Variants in SLC25A21 observed in about 807,000 individuals in gnomAD.
SLC25A21 encodes mitochondrial 2-oxodicarboxylate carrier.
SLC25A21 carries 47 observed loss-of-function variants against 43.8 expected under a neutral mutation model. The observed-to-expected ratio is 1.07, with a 90% CI of 0.85 to 1.37. The LOEUF (loss-of-function observed/expected upper bound fraction) is 1.37, where lower values mean the gene tolerates loss of function less well. SLC25A21 is among the 40% of genes most tolerant of loss of function. SLC25A21 has a pLI of 0.00. For missense variants in SLC25A21, 352 were observed against 350.2 expected (o/e 1.00, Z -0.04); for synonymous variants, 131 against 121.3 (o/e 1.08, Z -0.52).
At chr14:37,107,442 C>T (rs1192736032) in intron 1 of SLC25A21, among the ~76,000 whole-genome samples, 1 of 152,056 alleles carries the variant, frequency 6.6e-6, no homozygotes, top group Non-Finnish European at 1.5e-5. Context: ...CTCTCCCTCC[C>T]AAAGTGCTGG....
intron 1 of SLC25A21, among the ~76,000 whole-genome samples, chr14:36,923,122 A>C (rs772123042): frequency 2.0e-5 from 3 of 152,170 alleles, no homozygotes; most frequent in Non-Finnish European, 4.4e-5. Flanking sequence ...AAAGCTGAAA[A>C]AAAATTCCAA....
At chr14:36,944,494 T>C (rs77892704) in intron 1 of SLC25A21, among the ~76,000 whole-genome samples, 3,813 of 152,132 alleles carry the variant, frequency 0.025, 73 homozygotes, top group Middle Eastern at 0.054. Flanking sequence ...ACATCACAGA[T>C]AGTGAGAGGA....
At position 37,147,281 on chromosome 14, in the gene SLC25A21, T is replaced by C. The variant is rs147980105; in HGVS notation, c.70+25000A>G. 1.8e-3 allele frequency among the ~76,000 whole-genome samples: 276 copies of C among 152,348 alleles called. 1 individual carries two copies. Among genetic ancestry groups the C allele is most frequent in the African/African-American group, 6.3e-3 (263 of 41,566 alleles). ...ATAGTAATTCTTTTAACAGACACAA[T>C]TGCAATGACAAAGGCAATGACTTTA... On this transcript the variant is annotated intron_variant, in intron 1 of 9. Coordinates refer to ENST00000331299, the MANE Select transcript of SLC25A21 (RefSeq NM_030631.4).
chr14:36,902,422 C>G (rs848693), intron 1 of SLC25A21, among the ~76,000 whole-genome samples: 75,127 of 151,698 alleles, frequency 0.5, 20,764 homozygotes, highest in East Asian at 0.99. Context: ...CTCTAAGGAG[C>G]GAAGTATCGT....
intron 3 of SLC25A21, among the ~76,000 whole-genome samples, chr14:36,742,851 T>A (rs1429371849): frequency 6.6e-6 from 1 of 152,194 alleles, no homozygotes; most frequent in Non-Finnish European, 1.5e-5. Flanking sequence ...TTTGGATTGA[T>A]TTGTTACCCC....
chr14:36,829,852 C>A (rs572953725), intron 2 of SLC25A21, among the ~76,000 whole-genome samples: 2 of 152,158 alleles, frequency 1.3e-5, no homozygotes, highest in Non-Finnish European at 2.9e-5. Flanking sequence ...GCAAATAGTA[C>A]ACCTTCATAT....
At chr14:37,079,290 A>G (rs1962341253) in intron 1 of SLC25A21, among the ~76,000 whole-genome samples, 1 of 151,974 alleles carries the variant, frequency 6.6e-6, no homozygotes, top group African/African-American at 2.4e-5. Flanking sequence ...ACACCCTCCA[A>G]TGCATCATGT....
At chr14:36,877,415 C>T (rs1890569336) in intron 1 of SLC25A21, among the ~76,000 whole-genome samples, 1 of 152,194 alleles carries the variant, frequency 6.6e-6, no homozygotes, top group South Asian at 2.1e-4. Flanking sequence ...GATGATTATA[C>T]TTCAGTGATT....
intron 1 of SLC25A21, among the ~76,000 whole-genome samples, chr14:37,154,109 C>G (rs1368991853): frequency 6.6e-6 from 1 of 152,108 alleles, no homozygotes; most frequent in Non-Finnish European, 1.5e-5. Flanking sequence ...TGGCAGCATA[C>G]GTCACCCTGG....
chr14:37,151,954 G>A (rs1368071925), intron 1 of SLC25A21, among the ~76,000 whole-genome samples: 1 of 152,106 alleles, frequency 6.6e-6, no homozygotes, highest in Non-Finnish European at 1.5e-5. Flanking sequence ...AGAGACGCTT[G>A]AACCCAGGAG....
intron 3 of SLC25A21, among the ~76,000 whole-genome samples, chr14:36,746,276 T>C (rs932640572): frequency 6.6e-6 from 1 of 152,090 alleles, no homozygotes; most frequent in African/African-American, 2.4e-5. Flanking sequence ...TAACAAAGAA[T>C]GAAATCATGT....
chr14:36,957,431 T>C (rs1008971845), intron 1 of SLC25A21, among the ~76,000 whole-genome samples: 6 of 152,178 alleles, frequency 3.9e-5, no homozygotes, highest in Non-Finnish European at 8.8e-5. Flanking sequence ...TGACTTTGGA[T>C]AAGGAAATTC....
intron 7 of SLC25A21, among the ~76,000 whole-genome samples, chr14:36,692,688 T>G (rs11848520): frequency 0.018 from 2,667 of 152,226 alleles, 92 homozygotes; most frequent in African/African-American, 0.059. Flanking sequence ...AAAGCAGGAT[T>G]TGTCAGCCAG....
chr14:37,130,220 G>A (rs1375430286), intron 1 of SLC25A21, among the ~76,000 whole-genome samples: 1 of 151,928 alleles, frequency 6.6e-6, no homozygotes, highest in East Asian at 1.9e-4. Context: ...GCTATGATTG[G>A]GCCTCTGTAC....
intron 1 of SLC25A21, among the ~76,000 whole-genome samples, chr14:37,009,041 G>C (rs1960671466): frequency 6.6e-6 from 1 of 152,144 alleles, no homozygotes; most frequent in Non-Finnish European, 1.5e-5. Context: ...GAGCACATTA[G>C]AGCAAACATA....
At chr14:36,767,934 C>T (rs187366984) in intron 3 of SLC25A21, among the ~76,000 whole-genome samples, 1 of 152,316 alleles carries the variant, frequency 6.6e-6, no homozygotes, top group Admixed American at 6.5e-5. Flanking sequence ...TTTGACTGGA[C>T]ATCTGGCCCT....
chr14:37,118,468 C>T (rs1268900378), intron 1 of SLC25A21, among the ~76,000 whole-genome samples: 2 of 152,144 alleles, frequency 1.3e-5, no homozygotes, highest in East Asian at 1.9e-4. Flanking sequence ...AATAAAACTC[C>T]GCTCTCCTGT....
chr14:37,046,887 A>T (rs1429524031), intron 1 of SLC25A21, among the ~76,000 whole-genome samples: 1 of 152,126 alleles, frequency 6.6e-6, no homozygotes, highest in East Asian at 1.9e-4. Flanking sequence ...CCCACATAAC[A>T]CCCCTGGTTC....
At chr14:36,741,342 C>CTTTCTAAAAGT in intron 3 of SLC25A21, among the ~76,000 whole-genome samples, 1 of 152,158 alleles carries the variant, frequency 6.6e-6, no homozygotes, top group East Asian at 1.9e-4. Context: ...TGCTTCACAA[C>CTTTCTAAAAGT]TGACTTTTAG....
Sources: allele counts gnomAD v4.1 joint callset (sites outside exome capture counted in the v4.1 genomes callset), GRCh38; gene constraint gnomAD v4.1.1; transcripts MANE v1.5; gene names NCBI Gene and HGNC (gene_info 2026-07-23, HGNC 2026-07-21).